TSPAN15: variants seen among roughly 807,000 people sequenced by gnomAD.
TSPAN15 encodes the protein tetraspanin-15.
In TSPAN15, 20 loss-of-function variants were observed where a neutral mutation model predicts 34.5. That is an observed-to-expected ratio of 0.58 (90% CI 0.41 to 0.84). The LOEUF is 0.84. Ranked by LOEUF, TSPAN15 falls within the 40% of genes least tolerant of loss-of-function variation. The pLI is 0.00. For synonymous variants in TSPAN15, 155 were observed against 153.9 expected, an observed-to-expected ratio of 1.01 and a Z score of -0.05; for missense variants, 313 against 386.1, an observed-to-expected ratio of 0.81 and a Z score of 1.59.
At chr10:69,533,953 A>G in the TSPAN15 span, among the ~76,000 whole-genome samples, 2 of 152,178 alleles carry the variant, frequency 1.3e-5, no homozygotes, top group Admixed American at 6.5e-5. Context: ...TTGGTCATAG[A>G]TGTATTCTTT....
chr10:69,532,510 A>C, the TSPAN15 span, among the ~76,000 whole-genome samples: 1 of 152,248 alleles, frequency 6.6e-6, no homozygotes, highest in Non-Finnish European at 1.5e-5. Flanking sequence ...TTCATCTCTC[A>C]CCTTATACAA....
chr10:69,483,554 C>A, intron 1 of TSPAN15, 137 bp from the exon 2 acceptor site: 2 of 883,134 alleles, frequency 2.3e-6, no homozygotes, highest in Non-Finnish European at 3.4e-6. Context: ...CACAGTTCAG[C>A]CGCTAACAGG....
the TSPAN15 span, among the ~76,000 whole-genome samples, chr10:69,543,844 A>AGTATGTGTGTGTGTGTGTGT: frequency 8.1e-5 from 6 of 73,808 alleles, no homozygotes; most frequent in African/African-American, 3.4e-4. Context: ...GAAGAAGGGG[A>AGTATGTGTGTGTGTGTGTGT]GTGTGTGTGT....
At chr10:69,543,809 G>C in the TSPAN15 span, among the ~76,000 whole-genome samples, 33 of 150,340 alleles carry the variant, frequency 2.2e-4, no homozygotes, top group Admixed American at 1.7e-3. Flanking sequence ...AGAAAGAAGG[G>C]GAGGAGAAGA....
the TSPAN15 span, chr10:69,523,490 C>A: frequency 1.9e-6 from 1 of 519,012 alleles, no homozygotes; most frequent in Non-Finnish European, 3.7e-6. Flanking sequence ...CCTAACAGGG[C>A]CAGACTGTGT....
the TSPAN15 span, among the ~76,000 whole-genome samples, chr10:69,524,231 G>T: frequency 6.8e-6 from 1 of 147,380 alleles, no homozygotes; most frequent in Non-Finnish European, 1.5e-5. Flanking sequence ...CACTTTGGGA[G>T]GCCGAGGTGG....
At chr10:69,467,674 A>C (rs1235308587) in intron 1 of TSPAN15, among the ~76,000 whole-genome samples, 1 of 133,052 alleles carries the variant, frequency 7.5e-6, no homozygotes, top group South Asian at 2.3e-4. Flanking sequence ...ACACACACAC[A>C]CCTCTTCTTG....
At chr10:69,490,718 C>T (rs1841949946) in intron 3 of TSPAN15, among the ~76,000 whole-genome samples, 2 of 152,226 alleles carry the variant, frequency 1.3e-5, no homozygotes, top group Non-Finnish European at 2.9e-5. Flanking sequence ...GAGCAAGATT[C>T]TGTCTCAAAC....
At position 69,475,572 on chromosome 10, in the gene TSPAN15, T is replaced by G. The variant is rs570816833; in HGVS notation, c.97-8119T>G. On this transcript the variant is annotated intron_variant, in intron 1 of 7. Transcript: ENST00000373290. ...TCCCACCCTGTGCTTCATTTGTGGT[T>G]GTTCTGGATTAGAAATTCCACTCTC... 2.1e-3 allele frequency among the ~76,000 whole-genome samples: 316 copies of G among 152,290 alleles called. 1 individual carries two copies. Among genetic ancestry groups the G allele is most frequent in the African/African-American group, 7.1e-3 (295 of 41,566 alleles).
chr10:69,462,607 T>C (rs1170853218), intron 1 of TSPAN15, among the ~76,000 whole-genome samples: 2 of 152,202 alleles, frequency 1.3e-5, no homozygotes, highest in Admixed American at 6.5e-5. Context: ...AGTGCTGGGA[T>C]TACAGGCATG....
At chr10:69,483,555 C>G in intron 1 of TSPAN15, 136 bp from the exon 2 acceptor site, 1 of 900,958 alleles carries the variant, frequency 1.1e-6, no homozygotes, top group Non-Finnish European at 1.6e-6. Flanking sequence ...ACAGTTCAGC[C>G]GCTAACAGGG....
intron 1 of TSPAN15, among the ~76,000 whole-genome samples, chr10:69,463,359 T>C (rs1472818447): frequency 6.6e-6 from 1 of 152,160 alleles, no homozygotes; most frequent in East Asian, 1.9e-4. Context: ...GTGGTCTATC[T>C]CTACTTCACA....
chr10:69,492,170 G>A (rs747842111), intron 3 of TSPAN15, among the ~76,000 whole-genome samples: 29 of 152,274 alleles, frequency 1.9e-4, no homozygotes, highest in Non-Finnish European at 3.8e-4. Context: ...TGGGGTGGGG[G>A]CAGTGGCACT....
intron 1 of TSPAN15, among the ~76,000 whole-genome samples, chr10:69,455,628 C>CG (rs1554830581): frequency 8.7e-6 from 1 of 114,498 alleles, no homozygotes; most frequent in African/African-American, 3.7e-5. Flanking sequence ...CTCTCTCTCC[C>CG]CCCCCCGTCT....
At chr10:69,479,087 C>G (rs1841676725) in intron 1 of TSPAN15, among the ~76,000 whole-genome samples, 1 of 152,260 alleles carries the variant, frequency 6.6e-6, no homozygotes, top group Admixed American at 6.5e-5. Flanking sequence ...ACTCTCCCTT[C>G]TCAATAGTCT....
intron 5 of TSPAN15, among the ~76,000 whole-genome samples, chr10:69,503,217 G>A (rs190727705): frequency 3.3e-5 from 5 of 152,284 alleles, no homozygotes; most frequent in South Asian, 2.1e-4. Flanking sequence ...GAGGGAGGTC[G>A]TCTTGCCTGC....
chr10:69,489,737 A>G (rs1029491750), intron 3 of TSPAN15, among the ~76,000 whole-genome samples: 1 of 152,238 alleles, frequency 6.6e-6, no homozygotes, highest in African/African-American at 2.4e-5. Flanking sequence ...ATGGCCTGAC[A>G]GTCGGACTGG....
chr10:69,462,423 C>T (rs958079841), intron 1 of TSPAN15, among the ~76,000 whole-genome samples: 3 of 152,124 alleles, frequency 2.0e-5, no homozygotes, highest in East Asian at 1.9e-4. Flanking sequence ...CAAACTCCGC[C>T]TCCCAGGTTT....
chr10:69,515,169 T>A, the TSPAN15 span, among the ~76,000 whole-genome samples: 1 of 152,236 alleles, frequency 6.6e-6, no homozygotes, highest in Non-Finnish European at 1.5e-5. Flanking sequence ...TGCCTAGTTT[T>A]TCTCTTACTT....
Sources: allele counts gnomAD v4.1 joint callset (sites outside exome capture counted in the v4.1 genomes callset), GRCh38; gene constraint gnomAD v4.1.1; transcripts MANE v1.5; gene names NCBI Gene and HGNC (gene_info 2026-07-23, HGNC 2026-07-21).